ARHGEF9: variants seen among roughly 807,000 people sequenced by gnomAD.
ARHGEF9 encodes Cdc42 guanine nucleotide exchange factor 9, also known as rho guanine nucleotide exchange factor 9.
Under a neutral mutation model 41.3 loss-of-function variants are expected in ARHGEF9, and 2 were observed. The observed-to-expected ratio is 0.05, with a 90% CI of 0.02 to 0.15. ARHGEF9 has a LOEUF of 0.15. Among genes scored for constraint, ARHGEF9 ranks in the 10% least tolerant of loss-of-function variants. ARHGEF9 has a pLI of 1.00. For synonymous variants in ARHGEF9, 160 were observed against 154.4 expected (o/e 1.04, Z -0.27); for missense variants, 225 against 424.7 (o/e 0.53, Z 4.13).
At chrX:63,752,836 C>T (rs192968447) in intron 1 of ARHGEF9, among the ~76,000 whole-genome samples, 42 of 112,189 alleles carry the variant, frequency 3.7e-4, no homozygotes, top group African/African-American at 1.3e-3. Flanking sequence ...GGACATGGAA[C>T]TTGACAGCAT....
intron 2 of ARHGEF9, among the ~76,000 whole-genome samples, chrX:63,719,031 A>G (rs1216173952): frequency 2.7e-5 from 3 of 112,336 alleles, no homozygotes; most frequent in Non-Finnish European, 5.6e-5. Context: ...TAGATGATGT[A>G]ATCCAAAAAA....
intron 6 of ARHGEF9, 99 bp downstream of exon 6, chrX:63,673,938 CT>C: frequency 1.9e-6 from 2 of 1,042,038 alleles, no homozygotes; most frequent in Non-Finnish European, 2.6e-6. Context: ...CTTACTGTTG[CT>C]CTTCAAATGT....
intron 8 of ARHGEF9, among the ~76,000 whole-genome samples, chrX:63,647,421 T>C (rs1406189209): frequency 2.7e-5 from 3 of 111,950 alleles, no homozygotes; most frequent in Non-Finnish European, 3.8e-5. Context: ...ATGTAATTTA[T>C]TGAGAGTTTT....
chrX:63,660,737 C>T (rs1399831443), intron 7 of ARHGEF9, among the ~76,000 whole-genome samples: 3 of 112,016 alleles, frequency 2.7e-5, no homozygotes, highest in Non-Finnish European at 5.6e-5. Context: ...TAATAGCCAA[C>T]ATTCACTAAG....
chrX:63,644,596 C>A (rs781915607), intron 8 of ARHGEF9, among the ~76,000 whole-genome samples: 2 of 109,483 alleles, frequency 1.8e-5, no homozygotes, highest in Non-Finnish European at 3.8e-5. Flanking sequence ...TACATAGATG[C>A]ACATCTACAT....
At chrX:63,654,882 T>C (rs1556333819) in intron 8 of ARHGEF9, among the ~76,000 whole-genome samples, 2 of 111,846 alleles carry the variant, frequency 1.8e-5, no homozygotes, top group Non-Finnish European at 1.9e-5. Flanking sequence ...AATCCCACAG[T>C]TGGGAAGCAA....
intron 1 of ARHGEF9, among the ~76,000 whole-genome samples, chrX:63,732,994 T>C (rs2054405962): frequency 8.9e-6 from 1 of 111,871 alleles, no homozygotes; most frequent in South Asian, 3.8e-4. Flanking sequence ...CCTCTTTCAG[T>C]AACCTTATCT....
Position 63,634,976 on chromosome X carries a change from A to T in ARHGEF9, c.*3052T>A. 1.1e-5 allele frequency: 2 copies of T among 186,032 alleles called. No individual in the cohort carries two copies. Among genetic ancestry groups the T allele is most frequent in the Non-Finnish European group, 1.9e-5 (2 of 103,785 alleles). 15.3% of individuals were successfully genotyped at this position (186,032 alleles called of 1,213,427 possible). On this transcript the variant is annotated 3_prime_UTR_variant, in exon 10 of 10. Transcript: ENST00000671741. ...GAGCTATGCCAGGAGGTGTCTTTTT[A>T]CTTCTTTTATTGAACTCCATAAATA... is the stretch of plus-strand genomic sequence containing the variant.
chrX:63,641,975 T>G (rs1244553921), intron 9 of ARHGEF9: 1 of 112,212 alleles, frequency 8.9e-6, no homozygotes, highest in African/African-American at 3.3e-5. Flanking sequence ...AACATCAGAC[T>G]CCAAATTCTT....
At chrX:63,680,305 G>A (rs1229952125) in intron 4 of ARHGEF9, among the ~76,000 whole-genome samples, 1 of 112,111 alleles carries the variant, frequency 8.9e-6, no homozygotes. Flanking sequence ...CACAAAACGA[G>A]TAGGAAAAAC....
chrX:63,728,841 T>C (rs1556418704), intron 1 of ARHGEF9, among the ~76,000 whole-genome samples: 3 of 111,360 alleles, frequency 2.7e-5, no homozygotes, highest in African/African-American at 9.8e-5. Flanking sequence ...ATGGGTAGGA[T>C]GGTACCAGAT....
At chrX:63,769,438 G>GA (rs1381630511) in intron 1 of ARHGEF9, among the ~76,000 whole-genome samples, 231 of 106,213 alleles carry the variant, frequency 2.2e-3, no homozygotes, top group Admixed American at 4.2e-3. Flanking sequence ...ACAATGCAAT[G>GA]AAAAAAAAAA....
chrX:63,697,100 C>T (rs2051805802), intron 4 of ARHGEF9, 25 bp downstream of exon 4: 2 of 1,201,302 alleles, frequency 1.7e-6, no homozygotes, highest in African/African-American at 3.5e-5. Flanking sequence ...TCTCAAAACC[C>T]TCCCCAAATG....
chrX:63,678,199 T>G, intron 5 of ARHGEF9, 141 bp downstream of exon 5: 1 of 550,139 alleles, frequency 1.8e-6, no homozygotes, highest in South Asian at 2.6e-5. Context: ...CTGTTGGCTA[T>G]GAGGCAATCA....
At chrX:63,671,946 CAAG>C (rs1448827376) in intron 6 of ARHGEF9, among the ~76,000 whole-genome samples, 4 of 112,087 alleles carry the variant, frequency 3.6e-5, no homozygotes, top group Non-Finnish European at 7.5e-5. Flanking sequence ...CTCAGTCTGA[CAAG>C]AAGACCATGA....
intron 4 of ARHGEF9, among the ~76,000 whole-genome samples, chrX:63,680,115 A>C (rs1487017839): frequency 8.9e-6 from 1 of 112,026 alleles, no homozygotes; most frequent in Non-Finnish European, 1.9e-5. Flanking sequence ...AATACTTAGA[A>C]ATCAACTTTT....
intron 8 of ARHGEF9, among the ~76,000 whole-genome samples, chrX:63,649,227 A>G (rs1556322488): frequency 8.9e-6 from 1 of 111,858 alleles, no homozygotes; most frequent in Non-Finnish European, 1.9e-5. Flanking sequence ...AACAGAAATT[A>G]TAACAAACTG....
In ARHGEF9 at chrX:63,635,668, C is replaced by T; in HGVS notation, c.*2360G>A. 3.3e-6 allele frequency: 1 copy of T among 298,729 alleles called. No individual in the cohort carries two copies. The allele number at this position is 298,729 out of a possible 1,213,427, so 24.6% of individuals were successfully genotyped here. A position where few individuals can be genotyped will look rare whatever the true frequency, so the allele number is the denominator to read the frequency against. The stretch of plus-strand genomic sequence containing the variant: ...AGAAGTGCGGGTTGAGAAGTAATAT[C>T]CCTGATCCTGGAGCCCTGGGCAGAA... On this transcript the variant is annotated 3_prime_UTR_variant, in exon 10 of 10. Coordinates refer to ENST00000671741, the MANE Select transcript of ARHGEF9 (RefSeq NM_001353921.2).
chrX:63,767,375 GT>G, intron 1 of ARHGEF9: 1 of 511,336 alleles, frequency 2.0e-6, no homozygotes. Flanking sequence ...ACTTGAAGAA[GT>G]TACTGGGAGC....
Sources: allele counts gnomAD v4.1 joint callset (sites outside exome capture counted in the v4.1 genomes callset), GRCh38; gene constraint gnomAD v4.1.1; transcripts MANE v1.5; gene names NCBI Gene and HGNC (gene_info 2026-07-23, HGNC 2026-07-21).